The following APIP variants were observed in gnomAD, a reference collection of about 807,000 sequenced individuals.
APIP encodes the protein APAF1 interacting protein.
A neutral mutation model predicts 32.0 loss-of-function variants in APIP; 32 were observed. The observed-to-expected ratio is 1.00, with a 90% CI of 0.76 to 1.34. APIP has a LOEUF of 1.34. Ranked by LOEUF, APIP falls within the 40% of genes most tolerant of loss-of-function variation. The pLI is 0.00. For missense variants in APIP, 247 were observed against 298.6 expected, an observed-to-expected ratio of 0.83 and a Z score of 1.27; for synonymous variants, 92 against 94.8, an observed-to-expected ratio of 0.97 and a Z score of 0.17.
chr11:34,899,370 C>T (rs1853339071), intron 1 of APIP, among the ~76,000 whole-genome samples: 1 of 152,182 alleles, frequency 6.6e-6, no homozygotes, highest in Non-Finnish European at 1.5e-5. Flanking sequence ...AAATTTTAGT[C>T]TCAATATTGT....
chr11:34,910,732 A>C (rs1027533684), intron 1 of APIP, among the ~76,000 whole-genome samples: 1 of 152,180 alleles, frequency 6.6e-6, no homozygotes, highest in African/African-American at 2.4e-5. Flanking sequence ...GGAATACTTT[A>C]CTTTATCCTT....
intron 1 of APIP, among the ~76,000 whole-genome samples, chr11:34,900,260 G>GCTCC (rs1565137223): frequency 2.4e-4 from 36 of 151,286 alleles, no homozygotes; most frequent in African/African-American, 8.4e-4. Flanking sequence ...GCCTTTCCCA[G>GCTCC]AGCTAAAGTA....
At position 34,888,304 on chromosome 11, in the gene APIP, T is replaced by A. The variant is rs201251506; in HGVS notation, c.450A>T (p.Gly150=). Residue 150 remains glycine, a synonymous_variant, in exon 5 of 7, where the codon GGA becomes GGT. Transcript: ENST00000395787. ...GGAAAAAAAAATACCTATAATACCC[T>A]CCGGAAGTACATTTCTTTATTCCTT... ...MIKGIKKCTS[G]GYYRYDDMLV... is the part of the protein sequence containing the mutation. 2.5e-6 allele frequency: 4 copies of A among 1,595,736 alleles called. No individual in the cohort carries two copies. The highest frequency in any genetic ancestry group is 2.7e-5 in the African/African-American group (2 of 73,920).
chr11:34,908,131 T>A (rs1282380599), intron 1 of APIP, among the ~76,000 whole-genome samples: 1 of 152,122 alleles, frequency 6.6e-6, no homozygotes, highest in Non-Finnish European at 1.5e-5. Flanking sequence ...AAAACATACA[T>A]AATATAAGTA....
chr11:34,883,076 T>A (rs1473848538), intron 6 of APIP, among the ~76,000 whole-genome samples: 1 of 151,982 alleles, frequency 6.6e-6, no homozygotes, highest in Admixed American at 6.6e-5. Flanking sequence ...AAATTTACAT[T>A]TTTTTTAAAC....
chr11:34,890,629 T>C (rs757045129), intron 2 of APIP, 77 bp from the exon 3 acceptor site: 136 of 1,458,436 alleles, frequency 9.3e-5, no homozygotes, highest in Non-Finnish European at 1.2e-4. Flanking sequence ...AGTCCAATCA[T>C]GCATGTTCTT....
chr11:34,883,525 T>A, intron 5 of APIP, 21 bp from the exon 6 acceptor site: 1 of 1,604,028 alleles, frequency 6.2e-7, no homozygotes, highest in South Asian at 1.1e-5. Context: ...AAACAAGCCA[T>A]TTTTTTCCAT....
At chr11:34,898,815 T>C (rs1371754265) in intron 1 of APIP, among the ~76,000 whole-genome samples, 5 of 86,802 alleles carry the variant, frequency 5.8e-5, no homozygotes, top group African/African-American at 1.6e-4. Flanking sequence ...TTTTTTTTTT[T>C]TGAGGCAGAG....
Position 34,894,112 on chromosome 11 carries a change from A to C in APIP, c.158+898T>G, listed in dbSNP as rs559395204. Among the ~76,000 whole-genome samples, 4 of 152,304 alleles carry C rather than the reference A, an allele frequency of 2.6e-5. No individual in the cohort carries two copies. In the East Asian group the frequency reaches 7.7e-4, roughly 29 times the overall value. ...ATTGATAGCAAGTTACTTCTTACTC[A>C]CAGTTACTAATACTTACTTTATTTC... On this transcript the variant is annotated intron_variant, in intron 2 of 6. Coordinates refer to ENST00000395787, the MANE Select transcript of APIP (RefSeq NM_015957.4).
chr11:34,891,602 G>A (rs1349222208), intron 2 of APIP, among the ~76,000 whole-genome samples: 1 of 152,080 alleles, frequency 6.6e-6, no homozygotes, highest in Non-Finnish European at 1.5e-5. Flanking sequence ...CTGTAGGCTT[G>A]GAACCGATAA....
At chr11:34,884,686 T>G (rs1998604) in intron 5 of APIP, among the ~76,000 whole-genome samples, 91,005 of 151,518 alleles carry the variant, frequency 0.6, 28,361 homozygotes, top group East Asian at 0.74. Flanking sequence ...ATCGAGACAC[T>G]ACACTCTAGC....
At chr11:34,907,789 G>A (rs1044798757) in intron 1 of APIP, among the ~76,000 whole-genome samples, 1 of 152,110 alleles carries the variant, frequency 6.6e-6, no homozygotes, top group African/African-American at 2.4e-5. Context: ...TCTACAGTGA[G>A]GAGGAAACAC....
rs1364827222 is a variant in APIP, at chr11:34,883,458, C to T, written c.508G>A (p.Glu170Lys). 9 of 1,613,912 alleles carry T rather than the reference C, an allele frequency of 5.6e-6. No individual in the cohort carries two copies. The South Asian group carries it at 9.9e-5, about 18-fold the overall frequency. ...VVPIIENTPE[E>K]KDLKDRMAHA... ...GCCATTCTATCTTTGAGGTCTTTCT[C>T]CTCAGGTGTATTCTCAATAATGGGT... is the stretch of plus-strand genomic sequence containing the variant. Residue 170 changes from glutamate (E) to lysine (K), a missense_variant, in exon 6 of 7, where the codon GAG (glutamate) becomes AAG (lysine). By Grantham distance (56) the Glu-to-Lys change is moderately conservative (BLOSUM62 1). Coordinates refer to ENST00000395787, the MANE Select transcript of APIP (RefSeq NM_015957.4).
chr11:34,883,347 C>T lies in APIP; in HGVS notation c.619G>A (p.Ala207Thr). ...CTGATTTACACTCACATGGTTTTGGCCTTCTCCCATGTTTCCCCCCACACA... is the reference window on the plus strand; with the variant it reads ...CTGATTTACACTCACATGGTTTTGGTCTTCTCCCATGTTTCCCCCCACACA... ...VYVWGETWEK[A>T]KTMCECYDYL... Residue 207 changes from alanine to threonine, a missense_variant, in exon 6 of 7, where the codon GCC becomes ACC. Coordinates refer to ENST00000395787, the MANE Select transcript of APIP (RefSeq NM_015957.4). 6.2e-7 allele frequency: 1 copy of T among 1,608,916 alleles called. No individual in the cohort carries two copies. Among genetic ancestry groups the T allele is most frequent in the Admixed American group, 1.7e-5 (1 of 59,434 alleles).
At chr11:34,916,124 G>A in intron 1 of APIP, 104 bp downstream of exon 1, 6 of 1,447,990 alleles carry the variant, frequency 4.1e-6, no homozygotes, top group Non-Finnish European at 5.6e-6. Flanking sequence ...ACCCCGCCCC[G>A]CAGCTAAACG....
At chr11:34,893,031 G>GACCT (rs1853206384) in intron 2 of APIP, among the ~76,000 whole-genome samples, 1 of 152,000 alleles carries the variant, frequency 6.6e-6, no homozygotes, top group African/African-American at 2.4e-5. Context: ...TTCCTTCCAT[G>GACCT]ACCTCCACAC....
At chr11:34,912,137 T>C (rs569729586) in intron 1 of APIP, among the ~76,000 whole-genome samples, 1 of 152,298 alleles carries the variant, frequency 6.6e-6, no homozygotes, top group Admixed American at 6.5e-5. Flanking sequence ...TCAGAGATTA[T>C]TGTCATAAGC....
chr11:34,900,874 T>A (rs1185740340), intron 1 of APIP, among the ~76,000 whole-genome samples: 1 of 152,036 alleles, frequency 6.6e-6, no homozygotes, highest in Non-Finnish European at 1.5e-5. Flanking sequence ...AAACTGTCCA[T>A]GATAGACCAA....
In APIP at chr11:34,890,496, T is replaced by C; in HGVS notation, c.207+8A>G. ...AGACACTGAGGTTAAAGAATCCCAT[T>C]ACCATACCTGAATTCGTTCCTTTTG... is the stretch of plus-strand genomic sequence containing the variant. On this transcript the variant is annotated splice_region_variant and intron_variant, in intron 3 of 6. Transcript: ENST00000395787. 6.2e-7 allele frequency: 1 copy of C among 1,607,528 alleles called. No homozygotes were observed. The highest frequency in any genetic ancestry group is 8.5e-7 in the Non-Finnish European group (1 of 1,177,038).
Sources: gnomAD v4.1 joint callset for allele counts (sites outside exome capture counted in the v4.1 genomes callset) on GRCh38, gnomAD v4.1.1 for gene constraint, MANE v1.5 for transcripts, NCBI Gene and HGNC (gene_info 2026-07-23, HGNC 2026-07-21) for gene names.